The following DLG2 variants were observed in gnomAD, a reference collection of about 807,000 sequenced individuals.
DLG2 encodes the protein discs large MAGUK scaffold protein 2, also known as disks large homolog 2.
DLG2 carries 45 observed loss-of-function variants against 132.5 expected under a neutral mutation model. That is an observed-to-expected ratio of 0.34 (90% CI 0.27 to 0.44). DLG2 has a LOEUF of 0.44. DLG2 is among the 20% of genes least tolerant of loss of function. DLG2 has a pLI of 1.00. For missense variants in DLG2, 1,045 were observed against 1,196.9 expected (o/e 0.87, Z 1.87); for synonymous variants, 424 against 419.6 (o/e 1.01, Z -0.13).
intron 21 of DLG2, among the ~76,000 whole-genome samples, chr11:83,511,729 T>A (rs948447996): frequency 6.9e-6 from 1 of 144,226 alleles, no homozygotes; most frequent in African/African-American, 2.7e-5. Context: ...AAGCAAACTT[T>A]TTTTTTTTTT....
intron 11 of DLG2, among the ~76,000 whole-genome samples, chr11:83,982,421 G>A (rs1331544040): frequency 6.7e-6 from 1 of 150,366 alleles, no homozygotes; most frequent in Non-Finnish European, 1.5e-5. Flanking sequence ...CCTGACCCTG[G>A]GTAGGCCTAG....
chr11:84,946,961 T>C (rs1250811792), intron 6 of DLG2, among the ~76,000 whole-genome samples: 1 of 152,138 alleles, frequency 6.6e-6, no homozygotes, highest in East Asian at 1.9e-4. Flanking sequence ...TGCCAGCCAA[T>C]TTTTGCTCTG....
intron 6 of DLG2, among the ~76,000 whole-genome samples, chr11:85,108,781 G>A (rs923639523): frequency 1.3e-5 from 2 of 151,732 alleles, no homozygotes; most frequent in Non-Finnish European, 2.9e-5. Flanking sequence ...TTTCCTTTTG[G>A]TTGCAAGTAA....
At chr11:84,289,460 CAG>C (rs1403559150) in intron 7 of DLG2, among the ~76,000 whole-genome samples, 1 of 151,944 alleles carries the variant, frequency 6.6e-6, no homozygotes, top group African/African-American at 2.4e-5. Flanking sequence ...TTTTGAAATA[CAG>C]AGAGAAAAAT....
chr11:84,497,308 G>T (rs1212037342), intron 7 of DLG2, among the ~76,000 whole-genome samples: 1 of 152,050 alleles, frequency 6.6e-6, no homozygotes, highest in African/African-American at 2.4e-5. Flanking sequence ...TTTGCCTGAA[G>T]TCACTTAGCT....
intron 6 of DLG2, among the ~76,000 whole-genome samples, chr11:85,068,898 A>G (rs1256105329): frequency 1.3e-5 from 2 of 152,192 alleles, no homozygotes; most frequent in Admixed American, 6.5e-5. Flanking sequence ...CTGACTTCAA[A>G]CTATACTACA....
At chr11:83,507,346 C>T (rs1029006742) in intron 21 of DLG2, among the ~76,000 whole-genome samples, 2 of 151,078 alleles carry the variant, frequency 1.3e-5, no homozygotes, top group Non-Finnish European at 2.9e-5. Context: ...TTTAGAACCA[C>T]TCCTGGTACC....
intron 7 of DLG2, among the ~76,000 whole-genome samples, chr11:84,442,532 G>A (rs2099020404): frequency 1.3e-5 from 2 of 152,046 alleles, no homozygotes; most frequent in African/African-American, 4.8e-5. Flanking sequence ...CTGTCAGTGG[G>A]TGCGGGAGGC....
chr11:83,913,520 T>C (rs1302410689), intron 15 of DLG2, among the ~76,000 whole-genome samples: 1 of 152,064 alleles, frequency 6.6e-6, no homozygotes, highest in Admixed American at 6.6e-5. Context: ...TTAATAATAA[T>C]AATAATGTAG....
chr11:85,109,329 A>G (rs1339958730), intron 6 of DLG2, among the ~76,000 whole-genome samples: 1 of 152,134 alleles, frequency 6.6e-6, no homozygotes, highest in Non-Finnish European at 1.5e-5. Flanking sequence ...CAGAAATGAA[A>G]AAGAAACATC....
intron 7 of DLG2, among the ~76,000 whole-genome samples, chr11:84,358,676 T>C (rs1470804492): frequency 6.6e-6 from 1 of 151,842 alleles, no homozygotes. Context: ...TGAGACATAG[T>C]GTCAGGAAAT....
intron 11 of DLG2, among the ~76,000 whole-genome samples, chr11:84,003,824 A>T (rs1044664366): frequency 5.3e-5 from 8 of 152,176 alleles, no homozygotes; most frequent in African/African-American, 1.2e-4. Flanking sequence ...ACTATGTGAT[A>T]AAAAACTGGA....
chr11:85,244,969 T>C (rs2076063397), intron 4 of DLG2, among the ~76,000 whole-genome samples: 1 of 151,960 alleles, frequency 6.6e-6, no homozygotes, highest in South Asian at 2.1e-4. Context: ...TCCTAAAAAC[T>C]GGGCAACATG....
chr11:85,211,754 AG>A (rs1479283280), intron 4 of DLG2, among the ~76,000 whole-genome samples: 1 of 152,090 alleles, frequency 6.6e-6, no homozygotes, highest in African/African-American at 2.4e-5. Context: ...CTACTCGTCG[AG>A]GTCACTCCTT....
intron 6 of DLG2, among the ~76,000 whole-genome samples, chr11:84,906,132 TAC>T (rs2091475090): frequency 6.6e-6 from 1 of 152,010 alleles, no homozygotes; most frequent in Non-Finnish European, 1.5e-5. Context: ...ACCTTAGGAA[TAC>T]ACTCTATAAT....
At chr11:84,032,593 A>C (rs924705798) in intron 11 of DLG2, among the ~76,000 whole-genome samples, 2 of 152,174 alleles carry the variant, frequency 1.3e-5, no homozygotes, top group African/African-American at 2.4e-5. Context: ...TGAGGTAGAG[A>C]AGTTGCAGCA....
At chr11:83,596,891 C>T (rs958534330) in intron 19 of DLG2, among the ~76,000 whole-genome samples, 7 of 152,088 alleles carry the variant, frequency 4.6e-5, no homozygotes, top group African/African-American at 1.4e-4. Flanking sequence ...GAGAATCGAC[C>T]TAATCTAAAA....
chr11:85,483,884 C>T (rs1244237281), intron 3 of DLG2, among the ~76,000 whole-genome samples: 1 of 135,434 alleles, frequency 7.4e-6, no homozygotes, highest in Admixed American at 7.6e-5. Flanking sequence ...GCAGAGGTTG[C>T]AGTGAGCCAA....
intron 7 of DLG2, among the ~76,000 whole-genome samples, chr11:84,267,647 T>C (rs2097658841): frequency 6.6e-6 from 1 of 152,232 alleles, no homozygotes; most frequent in Non-Finnish European, 1.5e-5. Flanking sequence ...ACTGGGAGTT[T>C]TGGGGGACCC....
Sources: gnomAD v4.1 joint callset for allele counts (sites outside exome capture counted in the v4.1 genomes callset) on GRCh38, gnomAD v4.1.1 for gene constraint, MANE v1.5 for transcripts, NCBI Gene and HGNC (gene_info 2026-07-23, HGNC 2026-07-21) for gene names.